Variants in ZFR2 observed in about 807,000 individuals in gnomAD.
ZFR2 encodes zinc finger RNA binding protein 2, also known as zinc finger RNA-binding protein 2.
ZFR2 carries 104 observed loss-of-function variants against 105.7 expected under a neutral mutation model. The ratio of observed to expected loss-of-function variants is 0.98; its 90% CI spans 0.84 to 1.16. The LOEUF (loss-of-function observed/expected upper bound fraction) is 1.16, where lower values mean the gene tolerates loss of function less well. Ranked by LOEUF, ZFR2 falls within the 50% of genes most tolerant of loss-of-function variation. ZFR2 has a pLI of 0.00. For synonymous variants in ZFR2, 634 were observed against 597.7 expected, an observed-to-expected ratio of 1.06 and a Z score of -0.89; for missense variants, 1,425 against 1,355.5, an observed-to-expected ratio of 1.05 and a Z score of -0.80.
At chr19:3,850,106 A>T (rs1159979728) in intron 1 of ZFR2, among the ~76,000 whole-genome samples, 1 of 152,256 alleles carries the variant, frequency 6.6e-6, no homozygotes, top group East Asian at 1.9e-4. Context: ...TCCTACACAG[A>T]TAACAGAGAC....
rs2038239257 is a variant in ZFR2, at chr19:3,851,654, TA to T, written c.54-16672del. The stretch of plus-strand genomic sequence containing the variant: ...GGAAGGGAGGGGACAGAAGGGTTTT[TA>T]AGATGGAGTCAGCTATGTATGGCCA... On this transcript the variant is annotated intron_variant, in intron 1 of 18. Coordinates refer to ENST00000262961, the MANE Select transcript of ZFR2 (RefSeq NM_015174.2). 2.0e-5 allele frequency among the ~76,000 whole-genome samples: 3 copies of T among 152,326 alleles called. No homozygotes were observed. In the South Asian group the frequency reaches 6.2e-4, roughly 32 times the overall value.
Position 3,807,274 on chromosome 19 carries a change from G to T in ZFR2, c.2546-5C>A. The T allele has an allele frequency of 1.9e-6, 3 of 1,549,654 alleles. No homozygotes were observed. The highest frequency in any genetic ancestry group is 2.6e-6 in the Non-Finnish European group (3 of 1,144,562). ...GATCCTGGAGCCCGGGCCCGTCTTT[G>T]TGACGGGGAGTGGGAACAGCAAAGA... On this transcript the variant is annotated splice_region_variant and splice_polypyrimidine_tract_variant and intron_variant, in intron 17 of 18. Coordinates refer to ENST00000262961, the MANE Select transcript of ZFR2 (RefSeq NM_015174.2).
At chr19:3,848,412 C>T (rs901985778) in intron 1 of ZFR2, among the ~76,000 whole-genome samples, 6 of 151,328 alleles carry the variant, frequency 4.0e-5, no homozygotes, top group African/African-American at 7.3e-5. Context: ...AACTCCATCT[C>T]GGAAAAAAGC....
intron 16 of ZFR2, 111 bp from the exon 17 acceptor site, chr19:3,809,094 A>T: frequency 1.3e-6 from 1 of 742,662 alleles, no homozygotes; most frequent in South Asian, 2.3e-5. Context: ...TCTTTCTCTA[A>T]CTCCCACCAC....
At position 3,840,331 on chromosome 19, in the gene ZFR2, G is replaced by A. The variant is rs540218783; in HGVS notation, c.54-5348C>T. On this transcript the variant is annotated intron_variant, in intron 1 of 18. Transcript: ENST00000262961. ...CGGCTCACAGCAACCTCTGCCCCTCGGGTTCAAGCAATTCTCCCACCTCAG... is the reference window on the plus strand; with the variant it reads ...CGGCTCACAGCAACCTCTGCCCCTCAGGTTCAAGCAATTCTCCCACCTCAG... Among the ~76,000 whole-genome samples the A allele has an allele frequency of 1.1e-4, 16 of 148,968 alleles. No individual in the cohort carries two copies. The South Asian group carries it at 2.6e-3, about 24-fold the overall frequency.
intron 1 of ZFR2, among the ~76,000 whole-genome samples, chr19:3,865,055 C>G (rs1184515988): frequency 6.6e-6 from 1 of 152,026 alleles, no homozygotes; most frequent in African/African-American, 2.4e-5. Context: ...GGCCTGCGCT[C>G]AGTGCTAATT....
rs559344487 is a variant in ZFR2 at position 3,863,514 on chromosome 19, A to G, written c.53+5451T>C. The stretch of plus-strand genomic sequence containing the variant: ...GCGATCATAGCTCAATGTAGCTTCA[A>G]CTTCCTGGCCTCAAGCAATCCTCCC... On this transcript the variant is annotated intron_variant, in intron 1 of 18. Transcript: ENST00000262961. 1.3e-4 allele frequency among the ~76,000 whole-genome samples: 20 copies of G among 152,078 alleles called. No individual in the cohort carries two copies. In the East Asian group the frequency reaches 3.9e-3, roughly 29 times the overall value.
intron 14 of ZFR2, among the ~76,000 whole-genome samples, chr19:3,811,738 A>C (rs967419900): frequency 3.3e-5 from 5 of 150,918 alleles, no homozygotes; most frequent in African/African-American, 1.2e-4. Context: ...TACAGGCGTG[A>C]GCCACCGTGC....
In ZFR2 at chr19:3,823,320, T is replaced by C; in HGVS notation, c.1297A>G (p.Thr433Ala). 1 of 1,613,940 alleles carries C rather than the reference T, an allele frequency of 6.2e-7. No individual in the cohort carries two copies. Among genetic ancestry groups the C allele is most frequent in the Non-Finnish European group, 8.5e-7 (1 of 1,179,868 alleles). The change falls in exon 8 of 19, where the codon ACC becomes GCC. Residue 433 changes from threonine (T) to alanine (A), a missense_variant. By Grantham distance (58) the Thr-to-Ala change is moderately conservative (BLOSUM62 0). Transcript: ENST00000262961. This position sits in a 1 kb window ranked among gnomAD's most constrained non-coding sequence, Gnocchi z 5.4. The part of the protein sequence containing the change: ...QPKLEGPGAP[T>A]QGGSKEAPAG... ...GGAGCTTCCTTTGAGCCTCCTTGGG[T>C]AGGTGCTCCGGGACCCTCTAATTTA...
At chr19:3,829,260 C>G (rs1049875545) in intron 5 of ZFR2, among the ~76,000 whole-genome samples, 2 of 152,092 alleles carry the variant, frequency 1.3e-5, no homozygotes, top group East Asian at 1.9e-4. Context: ...CCACGCCCAG[C>G]CTGGAATTTA....
chr19:3,836,794 A>C (rs1484602757), intron 1 of ZFR2, among the ~76,000 whole-genome samples: 1 of 152,186 alleles, frequency 6.6e-6, no homozygotes, highest in Non-Finnish European at 1.5e-5. Flanking sequence ...TCAGACCCAG[A>C]TCTTTCTGAC....
At position 3,811,216 on chromosome 19, in the gene ZFR2, G is replaced by A. The variant is rs2037760119; in HGVS notation, c.2337+56C>T. ...CGCGCCGGGTTGACCTGGTGCCTCT[G>A]AGCTACGTTCCTCAAAGTCACCCCT... On this transcript the variant is annotated intron_variant, in intron 15 of 18. Coordinates refer to ENST00000262961, the MANE Select transcript of ZFR2 (RefSeq NM_015174.2). The A allele has an allele frequency of 2.4e-5, 36 of 1,473,970 alleles. 2 individuals carry two copies. The South Asian group carries it at 4.8e-4, about 19-fold the overall frequency. The allele number at this position is 1,473,970 out of a possible 1,614,324, so 91.3% of individuals were successfully genotyped here.
In ZFR2 at chr19:3,816,740, G is replaced by A. The variant is rs1192966745; in HGVS notation, c.2037C>T (p.Leu679=). 1 of 1,612,644 alleles carries A rather than the reference G, an allele frequency of 6.2e-7. No homozygotes were observed. ...GGCTGTGCGTGGGCTTCTCGGAGCA[G>A]AGCAGAGCGAGGCGCACGTTCCTGT... ...RGDRNVRLAL[L]CSEKPTHSLL... is the part of the protein sequence containing the mutation. Residue 679 remains leucine, a synonymous_variant, in exon 13 of 19, where the codon CTC becomes CTT. Transcript: ENST00000262961.
Position 3,810,828 on chromosome 19 carries a change from C to G in ZFR2, c.2355G>C (p.Leu785=), listed in dbSNP as rs1465676310. The G allele has an allele frequency of 3.9e-6, 6 of 1,550,326 alleles. No individual in the cohort carries two copies. In the Admixed American group the frequency reaches 7.8e-5, roughly 20 times the overall value. ...ARWFQARASG[L]QPCVIVIRVL... is the part of the protein sequence containing the mutation. Reference sequence around the variant, plus strand: ...CCCTGATGACGATCACGCATGGCTGCAGGCCGCTGGCTCGAGCCTTCGGGG... The same window carrying G: ...CCCTGATGACGATCACGCATGGCTGGAGGCCGCTGGCTCGAGCCTTCGGGG... The change falls in exon 16 of 19, where the codon CTG becomes CTC. Residue 785 remains leucine (L), a synonymous_variant. Coordinates refer to ENST00000262961, the MANE Select transcript of ZFR2 (RefSeq NM_015174.2).
chr19:3,812,454 C>A (rs1006414749), intron 14 of ZFR2, among the ~76,000 whole-genome samples: 1 of 152,024 alleles, frequency 6.6e-6, no homozygotes. Flanking sequence ...AGGAAAAGGC[C>A]GACAGGAAGT....
chr19:3,853,341 G>A (rs765874167), intron 1 of ZFR2, among the ~76,000 whole-genome samples: 7 of 152,136 alleles, frequency 4.6e-5, no homozygotes, highest in East Asian at 3.9e-4. Flanking sequence ...GTGGCCTCCC[G>A]CCCTGCCCTG....
chr19:3,857,036 T>A (rs1012800315), intron 1 of ZFR2: 2 of 150,634 alleles, frequency 1.3e-5, no homozygotes, highest in African/African-American at 4.9e-5. Context: ...CCCCAGAGTT[T>A]CCAATTTTAA....
intron 1 of ZFR2, among the ~76,000 whole-genome samples, chr19:3,862,444 C>G (rs1177033942): frequency 1.3e-5 from 2 of 152,196 alleles, no homozygotes; most frequent in South Asian, 4.2e-4. Flanking sequence ...ACCACAGGCA[C>G]GTGCCACCAC....
intron 1 of ZFR2, among the ~76,000 whole-genome samples, chr19:3,841,849 C>T (rs1440709238): frequency 6.6e-6 from 1 of 151,378 alleles, no homozygotes; most frequent in Non-Finnish European, 1.5e-5. Context: ...TGCAGTGTCA[C>T]AATCTTGGCT....
Sources: gnomAD v4.1 joint callset for allele counts (sites outside exome capture counted in the v4.1 genomes callset) on GRCh38, gnomAD v4.1.1 for gene constraint, Gnocchi (gnomAD v3.1) non-coding constraint, MANE v1.5 for transcripts, NCBI Gene and HGNC (gene_info 2026-07-23, HGNC 2026-07-21) for gene names.